The following NUP214 variants were observed in gnomAD, a reference collection of about 807,000 sequenced individuals.
The protein encoded by NUP214 is nucleoporin 214.
In NUP214, 79 loss-of-function variants were observed where a neutral mutation model predicts 196.2. That is an observed-to-expected ratio of 0.40 (90% confidence interval 0.34 to 0.49). The LOEUF is 0.49. Ranked by LOEUF, NUP214 falls within the 20% of genes least tolerant of loss-of-function variation. The pLI is 0.58. For missense variants in NUP214, 2,468 were observed against 2,539.0 expected (o/e 0.97, Z 0.60); for synonymous variants, 1,020 against 990.5 (o/e 1.03, Z -0.56).
intron 29 of NUP214, among the ~76,000 whole-genome samples, chr9:131,201,188 G>C (rs1241550611): frequency 6.6e-6 from 1 of 150,858 alleles, no homozygotes; most frequent in Non-Finnish European, 1.5e-5. Context: ...ATAAACTTAG[G>C]CTGGGTGCGG....
chr9:131,161,239 CTTGAACCCTATTGAAATGCCTTTTT>C (rs1832622639), intron 18 of NUP214, among the ~76,000 whole-genome samples: 1 of 149,042 alleles, frequency 6.7e-6, no homozygotes, highest in African/African-American at 2.5e-5. Flanking sequence ...TGAATATTAC[CTTGAACCCTATTGAAATGCCTTTTT>C]TTTTTTTTTT....
rs771193770 is a variant in NUP214 at position 131,180,468 on chromosome 9, C to G, written c.3419+2058C>G. ...TCAGCCAGCTCTCGTGGAACAGATT[C>G]TTTTAAACAGTAGTTTCCTAAGTGT... On this transcript the variant is annotated intron_variant, in intron 24 of 35. Transcript: ENST00000359428. Among the ~76,000 whole-genome samples the G allele has an allele frequency of 2.0e-5, 3 of 152,138 alleles. No individual in the cohort carries two copies. The South Asian group carries it at 6.2e-4, about 32-fold the overall frequency.
At chr9:131,231,631 CAA>C (rs1178878320) in intron 34 of NUP214, among the ~76,000 whole-genome samples, 49 of 109,628 alleles carry the variant, frequency 4.5e-4, no homozygotes, top group Admixed American at 5.8e-4. Context: ...CCAGCAGACT[CAA>C]AAAAAAAAAA....
intron 32 of NUP214, among the ~76,000 whole-genome samples, chr9:131,223,254 A>G (rs1047620852): frequency 6.6e-6 from 1 of 151,702 alleles, no homozygotes; most frequent in African/African-American, 2.4e-5. Flanking sequence ...GCAACCTCCA[A>G]CTCCCTGGTT....
chr9:131,163,303 TC>T, intron 19 of NUP214, 130 bp downstream of exon 19: 1 of 867,482 alleles, frequency 1.2e-6, no homozygotes, highest in Non-Finnish European at 1.7e-6. Flanking sequence ...CTGGTCAGGG[TC>T]CCACCCTCTC....
At chr9:131,174,377 G>A in intron 22 of NUP214, 59 bp downstream of exon 22, 1 of 1,555,294 alleles carries the variant, frequency 6.4e-7, no homozygotes, top group Admixed American at 2.0e-5. Flanking sequence ...ACTAATGACG[G>A]AATTGTAACT....
intron 28 of NUP214, 24 bp downstream of exon 28, chr9:131,195,318 AT>A: frequency 6.3e-7 from 1 of 1,576,352 alleles, no homozygotes; most frequent in Non-Finnish European, 8.7e-7. Context: ...GTTGAGTAGC[AT>A]TACTCATGTG....
chr9:131,197,729 G>A lies in NUP214; in HGVS notation c.4235G>A (p.Gly1412Asp). The change falls in exon 29 of 36, where the codon GGC (glycine) becomes GAC (aspartate). Residue 1412 changes from glycine to aspartate, a missense_variant. Physicochemically the swap from Gly to Asp is moderately conservative, Grantham distance 94. Transcript: ENST00000359428. Reference sequence around the variant, plus strand: ...AGCACTTCCTCAACTGCCGTTTTTGGCAGTCTGCCAGTCACCAGTGCAGGA... The same window carrying A: ...AGCACTTCCTCAACTGCCGTTTTTGACAGTCTGCCAGTCACCAGTGCAGGA... ...ATSTSSTAVF[G>D]SLPVTSAGSS... 6.2e-7 allele frequency: 1 copy of A among 1,614,178 alleles called. No homozygotes were observed.
chr9:131,207,633 A>G (rs983682991), intron 30 of NUP214, among the ~76,000 whole-genome samples: 7 of 152,258 alleles, frequency 4.6e-5, no homozygotes, highest in African/African-American at 1.7e-4. Context: ...AGTCCCATCC[A>G]GGTTCAAGAG....
At chr9:131,173,520 C>G (rs1427661525) in intron 21 of NUP214, among the ~76,000 whole-genome samples, 1 of 151,964 alleles carries the variant, frequency 6.6e-6, no homozygotes, top group East Asian at 1.9e-4. Context: ...GCCTGACCCA[C>G]TGCACCCAGT....
intron 32 of NUP214, 73 bp downstream of exon 32, chr9:131,223,003 C>A: frequency 6.9e-7 from 1 of 1,456,116 alleles, no homozygotes; most frequent in Non-Finnish European, 9.5e-7. Context: ...TGGAAGGAGA[C>A]ATCTCTAGGG....
chr9:131,221,864 T>C (rs2131093138), intron 31 of NUP214, among the ~76,000 whole-genome samples: 1 of 152,220 alleles, frequency 6.6e-6, no homozygotes, highest in East Asian at 1.9e-4. Flanking sequence ...CAAAAAAAGT[T>C]TGAAAACTCT....
chr9:131,139,318 G>A lies in NUP214; in HGVS notation c.1043G>A (p.Arg348Gln). 1.3e-6 allele frequency: 2 copies of A among 1,557,902 alleles called. No individual in the cohort carries two copies. Among genetic ancestry groups the A allele is most frequent in the Non-Finnish European group, 8.6e-7 (1 of 1,157,344 alleles). Residue 348 changes from arginine (R) to glutamine (Q), a missense_variant, in exon 10 of 36, where the codon CGA becomes CAA. Transcript: ENST00000359428. ...TCTTGGCTACTGGAGGATTCTAGTCGAGCTGAATTGCCTGTGACAGACAAG... is the reference window on the plus strand; with the variant it reads ...TCTTGGCTACTGGAGGATTCTAGTCAAGCTGAATTGCCTGTGACAGACAAG... ...WESWLLEDSSRAELPVTDKSD... is the reference protein window; with the variant it reads ...WESWLLEDSSQAELPVTDKSD...
At chr9:131,185,164 T>C (rs1273783849) in intron 24 of NUP214, among the ~76,000 whole-genome samples, 2 of 152,228 alleles carry the variant, frequency 1.3e-5, no homozygotes, top group Admixed American at 1.3e-4. Flanking sequence ...AGGGCCTAGG[T>C]GACATTTTAA....
chr9:131,229,817 C>A (rs369295680), intron 33 of NUP214: 26 of 504,164 alleles, frequency 5.2e-5, no homozygotes, highest in African/African-American at 4.9e-4. Context: ...CTTGACCTCA[C>A]CATTAAAAGT....
chr9:131,125,967 T>A lies in NUP214; in HGVS notation c.45+218T>A, dbSNP rs1588117602. ...CTGGTCTCGTGCACGGCTGTTGAGT[T>A]ACCCTAGCTACTTCCTGGGGCGGTC... is the stretch of plus-strand genomic sequence containing the variant. On this transcript the variant is annotated intron_variant, in intron 1 of 35. Coordinates refer to ENST00000359428, the MANE Select transcript of NUP214 (RefSeq NM_005085.4). The surrounding 1 kb of genome is among the most constrained non-coding windows in gnomAD (Gnocchi z 4.1). 3.4e-6 allele frequency: 2 copies of A among 587,318 alleles called. No individual in the cohort carries two copies. Among genetic ancestry groups the A allele is most frequent in the East Asian group, 6.1e-5 (2 of 32,594 alleles). 36.4% of individuals were successfully genotyped at this position (587,318 alleles called of 1,614,324 possible).
chr9:131,127,773 C>A, intron 2 of NUP214, 54 bp downstream of exon 2: 1 of 1,291,120 alleles, frequency 7.7e-7, no homozygotes, highest in South Asian at 1.3e-5. Context: ...GTGGCATGCT[C>A]TTGTGTTTCC....
chr9:131,218,715 T>A (rs1021928543), intron 31 of NUP214, among the ~76,000 whole-genome samples: 1 of 152,100 alleles, frequency 6.6e-6, no homozygotes, highest in African/African-American at 2.4e-5. Context: ...ACTGCATTTA[T>A]TTTGCCCCTT....
chr9:131,128,203 A>G (rs1169976523), intron 2 of NUP214, 129 bp from the exon 3 acceptor site: 19 of 623,028 alleles, frequency 3.0e-5, no homozygotes, highest in Non-Finnish European at 4.6e-5. Context: ...ATTTATCTGT[A>G]TAACTAGGTA....
Sources: allele counts gnomAD v4.1 joint callset (sites outside exome capture counted in the v4.1 genomes callset), GRCh38; gene constraint gnomAD v4.1.1; non-coding constraint Gnocchi (gnomAD v3.1); transcripts MANE v1.5; gene names NCBI Gene and HGNC (gene_info 2026-07-23, HGNC 2026-07-21).